PACRG: variants seen among roughly 807,000 people sequenced by gnomAD.
PACRG encodes the protein parkin coregulated gene protein.
Under a neutral mutation model 29.7 loss-of-function variants are expected in PACRG, and 29 were observed. That is an observed-to-expected ratio of 0.98 (90% CI 0.73 to 1.33). The LOEUF is 1.33. PACRG is among the 40% of genes most tolerant of loss of function. The pLI is 0.00. For missense variants in PACRG, 279 were observed against 316.2 expected (o/e 0.88, Z 0.89); for synonymous variants, 116 against 118.7 (o/e 0.98, Z 0.15).
intron 4 of PACRG, chr6:163,312,845 T>TG (rs1324037852): frequency 2.4e-6 from 1 of 414,076 alleles, no homozygotes; most frequent in Non-Finnish European, 4.8e-6. Context: ...CTCGACCACC[T>TG]GGGCTCAAGT....
chr6:162,885,072 CCAT>C (rs1794216415), intron 2 of PACRG, among the ~76,000 whole-genome samples: 1 of 152,090 alleles, frequency 6.6e-6, no homozygotes, highest in Admixed American at 6.6e-5. Flanking sequence ...AAAAAAGCCA[CCAT>C]CGTCATAATA....
intron 4 of PACRG, among the ~76,000 whole-genome samples, chr6:163,117,584 T>A (rs1816064957): frequency 6.6e-6 from 1 of 152,016 alleles, no homozygotes; most frequent in South Asian, 2.1e-4. Context: ...AAACCCCATC[T>A]CTACTAAAAA....
chr6:163,275,826 C>G (rs762189312), intron 4 of PACRG, among the ~76,000 whole-genome samples: 4 of 152,150 alleles, frequency 2.6e-5, no homozygotes, highest in Non-Finnish European at 5.9e-5. Flanking sequence ...ATTAATAATT[C>G]AAAGGACATA....
chr6:162,927,856 C>T (rs1797564119), intron 2 of PACRG, among the ~76,000 whole-genome samples: 1 of 151,942 alleles, frequency 6.6e-6, no homozygotes, highest in South Asian at 2.1e-4. Context: ...TCTTGGATCC[C>T]TGGGATGAAT....
At chr6:163,222,894 A>G (rs1301824537) in intron 4 of PACRG, among the ~76,000 whole-genome samples, 1 of 152,224 alleles carries the variant, frequency 6.6e-6, no homozygotes, top group Non-Finnish European at 1.5e-5. Flanking sequence ...TTGAAAAATC[A>G]TGTAGAGTTG....
chr6:162,973,882 G>A (rs1295255434), intron 2 of PACRG, among the ~76,000 whole-genome samples: 1 of 152,128 alleles, frequency 6.6e-6, no homozygotes, highest in Non-Finnish European at 1.5e-5. Context: ...AACCCTACAA[G>A]CTTCTTACTG....
intron 4 of PACRG, among the ~76,000 whole-genome samples, chr6:163,248,306 T>C (rs1367111797): frequency 6.6e-6 from 1 of 152,210 alleles, no homozygotes; most frequent in Non-Finnish European, 1.5e-5. Flanking sequence ...GTTTGTAGCA[T>C]TTCTTGTGGT....
intron 4 of PACRG, among the ~76,000 whole-genome samples, chr6:163,197,434 C>CTTTTTTTTTTTTTTTT (rs57942658): frequency 2.5e-4 from 27 of 106,292 alleles, no homozygotes; most frequent in Non-Finnish European, 3.6e-4. Flanking sequence ...CTTTTCTTTT[C>CTTTTTTTTTTTTTTTT]TTTTTTTTTT....
intron 4 of PACRG, among the ~76,000 whole-genome samples, chr6:163,118,098 G>T (rs547959636): frequency 6.6e-6 from 1 of 152,300 alleles, no homozygotes; most frequent in Non-Finnish European, 1.5e-5. Context: ...TGTGCATTAG[G>T]GGAGAAACCG....
chr6:162,846,837 G>GTGCTCCCCACACTGTGA (rs1479012290), intron 2 of PACRG, among the ~76,000 whole-genome samples: 1 of 152,162 alleles, frequency 6.6e-6, no homozygotes, highest in Admixed American at 6.5e-5. Context: ...ACTGTCCACT[G>GTGCTCCCCACACTGTGA]TGCTCCCCAC....
chr6:163,075,830 C>A (rs73785723), intron 3 of PACRG, among the ~76,000 whole-genome samples: 3,368 of 152,268 alleles, frequency 0.022, 128 homozygotes, highest in African/African-American at 0.074. Flanking sequence ...TAAAACAATA[C>A]ATTACTTAAA....
chr6:162,891,968 G>A (rs1333859064), intron 2 of PACRG: 1 of 152,306 alleles, frequency 6.6e-6, no homozygotes, highest in African/African-American at 2.4e-5. Flanking sequence ...GCATGCAGGT[G>A]TTTTATAGTC....
rs560142162 is a variant in PACRG, at chr6:162,793,983, A to T, written c.157-20164A>T. Among the ~76,000 whole-genome samples the T allele has an allele frequency of 2.0e-5, 3 of 152,300 alleles. No homozygotes were observed. In the East Asian group the frequency reaches 5.8e-4, roughly 29 times the overall value. On this transcript the variant is annotated intron_variant, in intron 1 of 4. Coordinates refer to ENST00000366888, the MANE Select transcript of PACRG (RefSeq NM_001080379.2). The stretch of plus-strand genomic sequence containing the variant: ...TAACAAACCTGCACATGTACCCTTG[A>T]ACTTAAAATAAAAGTTAAATTTAAA...
chr6:162,822,741 A>G (rs1688850804), intron 2 of PACRG, among the ~76,000 whole-genome samples: 1 of 152,188 alleles, frequency 6.6e-6, no homozygotes, highest in Non-Finnish European at 1.5e-5. Context: ...TAAAATTTCA[A>G]CTTTCATGTA....
intron 4 of PACRG, among the ~76,000 whole-genome samples, chr6:163,142,436 A>G (rs1363127542): frequency 6.6e-6 from 1 of 152,220 alleles, no homozygotes; most frequent in East Asian, 1.9e-4. Context: ...ATAGAAACCC[A>G]AAATAAGCCA....
intron 4 of PACRG, among the ~76,000 whole-genome samples, chr6:163,091,099 G>C (rs1212863843): frequency 6.6e-6 from 1 of 152,136 alleles, no homozygotes. Flanking sequence ...TAATGCTTTT[G>C]TTGGTCACAC....
intron 2 of PACRG, among the ~76,000 whole-genome samples, chr6:163,024,862 A>C (rs1038330422): frequency 6.6e-6 from 1 of 152,224 alleles, no homozygotes; most frequent in Admixed American, 6.5e-5. Flanking sequence ...CGGCACATCA[A>C]AAAGTTAATA....
intron 4 of PACRG, among the ~76,000 whole-genome samples, chr6:163,283,803 G>A (rs990696846): frequency 1.8e-5 from 2 of 112,134 alleles, no homozygotes; most frequent in African/African-American, 3.7e-5. Flanking sequence ...GCGAGACTCC[G>A]TCTCAAAAAA....
At chr6:162,998,706 T>C (rs1804309550) in intron 2 of PACRG, among the ~76,000 whole-genome samples, 1 of 152,228 alleles carries the variant, frequency 6.6e-6, no homozygotes, top group Non-Finnish European at 1.5e-5. Flanking sequence ...TTATTTCTGC[T>C]CTAGAAGCAT....
Sources: gnomAD v4.1 joint callset for allele counts (sites outside exome capture counted in the v4.1 genomes callset) on GRCh38, gnomAD v4.1.1 for gene constraint, MANE v1.5 for transcripts, NCBI Gene and HGNC (gene_info 2026-07-23, HGNC 2026-07-21) for gene names.